Variants in STXBP5 observed in about 807,000 individuals in gnomAD.
STXBP5 encodes the protein syntaxin-binding protein 5.
Under a neutral mutation model 152.4 loss-of-function variants are expected in STXBP5, and 50 were observed. The observed-to-expected ratio is 0.33, with a 90% CI of 0.26 to 0.42. The LOEUF is 0.42. STXBP5 is among the 10% of genes least tolerant of loss of function. The pLI is 1.00. For missense variants in STXBP5, 1,167 were observed against 1,388.6 expected, an observed-to-expected ratio of 0.84 and a Z score of 2.54; for synonymous variants, 492 against 494.7, an observed-to-expected ratio of 0.99 and a Z score of 0.07.
chr6:147,211,911 T>G (rs1024828513), intron 2 of STXBP5, among the ~76,000 whole-genome samples: 1 of 152,190 alleles, frequency 6.6e-6, no homozygotes, highest in African/African-American at 2.4e-5. Context: ...GCTACTTTCC[T>G]CCTCCTCCAT....
In STXBP5 at chr6:147,292,413, G is replaced by A. The variant is rs866315960; in HGVS notation, c.917+1241G>A. On this transcript the variant is annotated intron_variant, in intron 9 of 27. Coordinates refer to ENST00000321680, the MANE Select transcript of STXBP5 (RefSeq NM_001127715.4). ...TTTGTGGTTCATTTTCCTCACTTAT[G>A]ACATAGATGGATAAAATGTCAGACA... The A allele has an allele frequency of 3.6e-4, 101 of 279,362 alleles. No individual in the cohort carries two copies. The Middle Eastern group carries it at 7.1e-3, about 20-fold the overall frequency. The allele number at this position is 279,362 out of a possible 1,614,324, so 17.3% of individuals were successfully genotyped here. A position where few individuals can be genotyped will look rare whatever the true frequency, so the allele number is the denominator to read the frequency against.
rs1776454249 is a variant in STXBP5 at position 147,204,788 on chromosome 6, A to C, written c.150+106A>C. On this transcript the variant is annotated intron_variant, in intron 1 of 27. Coordinates refer to ENST00000321680, the MANE Select transcript of STXBP5 (RefSeq NM_001127715.4). This position sits in a 1 kb window ranked among gnomAD's most constrained non-coding sequence, Gnocchi z 4.3. Reference sequence around the variant, plus strand: ...GAATGCAAGGGAAGAGAACGCCAATAATAATAATAATAACTCTAATAAAAG... The same window carrying C: ...GAATGCAAGGGAAGAGAACGCCAATCATAATAATAATAACTCTAATAAAAG... The C allele has an allele frequency of 8.3e-7, 1 of 1,197,914 alleles. No individual in the cohort carries two copies. The allele number at this position is 1,197,914 out of a possible 1,614,324, so 74.2% of individuals were successfully genotyped here.
At chr6:147,376,306 A>T (rs907595752) in intron 26 of STXBP5, among the ~76,000 whole-genome samples, 1 of 152,210 alleles carries the variant, frequency 6.6e-6, no homozygotes, top group African/African-American at 2.4e-5. Context: ...TTATAGGATA[A>T]CCTGTAAAAC....
intron 21 of STXBP5, 54 bp downstream of exon 21, chr6:147,339,438 A>G: frequency 1.5e-6 from 2 of 1,311,360 alleles, no homozygotes; most frequent in Middle Eastern, 2.7e-4. Flanking sequence ...TGCAGTGCTA[A>G]CCCAACACCA....
chr6:147,350,354 A>G (rs1784532257), intron 21 of STXBP5, among the ~76,000 whole-genome samples: 1 of 152,106 alleles, frequency 6.6e-6, no homozygotes. Context: ...CACCTAGAAA[A>G]TTCAGAAGGA....
At chr6:147,346,820 A>G (rs1270217519) in intron 21 of STXBP5, among the ~76,000 whole-genome samples, 2 of 152,148 alleles carry the variant, frequency 1.3e-5, no homozygotes, top group Non-Finnish European at 2.9e-5. Flanking sequence ...AAACAACTAT[A>G]AAAATTGGTC....
chr6:147,213,370 C>T lies in STXBP5; in HGVS notation c.248+7302C>T, dbSNP rs181171556. ...CCGGGCTCAAACGATCTTCCTGCCT[C>T]AGCTTGCCAAGTAGTTGGGACCACA... On this transcript the variant is annotated intron_variant, in intron 2 of 27. Transcript: ENST00000321680. 3.7e-3 allele frequency among the ~76,000 whole-genome samples: 561 copies of T among 151,086 alleles called. 3 individuals carry two copies. The highest frequency in any genetic ancestry group is 0.013 in the African/African-American group (531 of 41,074).
At chr6:147,353,914 T>C (rs1309470823) in intron 22 of STXBP5, among the ~76,000 whole-genome samples, 2 of 152,156 alleles carry the variant, frequency 1.3e-5, no homozygotes, top group African/African-American at 4.8e-5. Context: ...ACACATTCAT[T>C]TTGCTTTATA....
chr6:147,313,728 A>G (rs1782496215), intron 11 of STXBP5, among the ~76,000 whole-genome samples, 156 bp from the exon 12 acceptor site: 1 of 152,218 alleles, frequency 6.6e-6, no homozygotes, highest in Non-Finnish European at 1.5e-5. Context: ...AGCAATTTTC[A>G]TTATAAAAGA....
At position 147,315,596 on chromosome 6, in the gene STXBP5, A is replaced by G. The variant is rs1200268468; in HGVS notation, c.1484A>G (p.Asp495Gly). The G allele has an allele frequency of 3.7e-6, 6 of 1,613,810 alleles. No individual in the cohort carries two copies. Among genetic ancestry groups the G allele is most frequent in the African/African-American group, 1.3e-5 (1 of 74,908 alleles). ...AATAAAGATGACAGGCCAAACACAGACATTGTAGATGAAGATCCATATGCC... is the reference window on the plus strand; with the variant it reads ...AATAAAGATGACAGGCCAAACACAGGCATTGTAGATGAAGATCCATATGCC... ...SRNKDDRPNT[D>G]IVDEDPYAIQ... The change falls in exon 15 of 28, where the codon GAC (aspartate) becomes GGC (glycine). Residue 495 changes from aspartate (D) to glycine (G), a missense_variant. By Grantham distance (94) the Asp-to-Gly change is moderately conservative. This residue lies in a region of STXBP5 where 833 missense variants were observed against 986.3 expected (regional missense o/e 0.84). Transcript: ENST00000321680.
Position 147,353,355 on chromosome 6 carries a change from G to T in STXBP5, c.2287G>T (p.Asp763Tyr). Residue 763 changes from aspartate to tyrosine, a missense_variant, in exon 22 of 28, where the codon GAC becomes TAC. Physicochemically the swap from Asp to Tyr is radical, Grantham distance 160. Transcript: ENST00000321680. ...KMSRKLSLPT[D>Y]LKPDLDVKDN... ...GTCAAGGAAGTTAAGCTTACCTACT[G>T]ACCTAAAGCCTGATTTAGGTAAGTA... 6.3e-7 allele frequency: 1 copy of T among 1,581,888 alleles called. No homozygotes were observed. Among genetic ancestry groups the T allele is most frequent in the South Asian group, 1.2e-5 (1 of 84,640 alleles).
At chr6:147,369,561 A>T (rs1032901245) in intron 25 of STXBP5, among the ~76,000 whole-genome samples, 1 of 152,048 alleles carries the variant, frequency 6.6e-6, no homozygotes, top group South Asian at 2.1e-4. Flanking sequence ...CAAAACATAT[A>T]TCTAATAAAG....
intron 18 of STXBP5, 69 bp downstream of exon 18, chr6:147,327,345 A>G: frequency 2.0e-6 from 3 of 1,528,630 alleles, no homozygotes; most frequent in Non-Finnish European, 2.6e-6. Context: ...TTTTGTGAAT[A>G]TAAGTATTAT....
chr6:147,362,865 G>C (rs1785124440), intron 23 of STXBP5, among the ~76,000 whole-genome samples: 1 of 152,154 alleles, frequency 6.6e-6, no homozygotes, highest in Non-Finnish European at 1.5e-5. Context: ...TGGGGCATGT[G>C]CTTGAGTCTC....
At chr6:147,265,261 G>GTTTTGATA (rs1779836067) in intron 6 of STXBP5, among the ~76,000 whole-genome samples, 1 of 152,004 alleles carries the variant, frequency 6.6e-6, no homozygotes, top group African/African-American at 2.4e-5. Flanking sequence ...TATTTTGTTA[G>GTTTTGATA]TTTTGATAGT....
At chr6:147,311,652 T>C (rs1167450950) in intron 11 of STXBP5, 125 bp downstream of exon 11, 3 of 658,000 alleles carry the variant, frequency 4.6e-6, no homozygotes, top group Non-Finnish European at 7.6e-6. Flanking sequence ...CTTGACCTCT[T>C]TTGAGAGCTC....
chr6:147,241,476 T>C (rs565926510), intron 4 of STXBP5, among the ~76,000 whole-genome samples: 1 of 152,344 alleles, frequency 6.6e-6, no homozygotes, highest in East Asian at 1.9e-4. Flanking sequence ...ATCTGTTTCC[T>C]GTCTCTGTAG....
At chr6:147,322,061 G>A (rs1469705403) in intron 16 of STXBP5, among the ~76,000 whole-genome samples, 2 of 152,106 alleles carry the variant, frequency 1.3e-5, no homozygotes, top group Admixed American at 1.3e-4. Flanking sequence ...GCCCATATAT[G>A]TACTTCTAAA....
chr6:147,211,002 TTGAG>T (rs1435684843), intron 2 of STXBP5, among the ~76,000 whole-genome samples: 1 of 152,148 alleles, frequency 6.6e-6, no homozygotes, highest in Non-Finnish European at 1.5e-5. Context: ...GTTCTTTTCT[TTGAG>T]TTTGTTTTTA....
Sources: allele counts gnomAD v4.1 joint callset (sites outside exome capture counted in the v4.1 genomes callset), GRCh38; gene constraint gnomAD v4.1.1; regional missense constraint gnomAD v4.1.1; non-coding constraint Gnocchi (gnomAD v3.1); transcripts MANE v1.5; gene names NCBI Gene and HGNC (gene_info 2026-07-23, HGNC 2026-07-21).